Variants in DYNC2H1 observed in about 807,000 individuals in gnomAD.
DYNC2H1 encodes cytoplasmic dynein 2 heavy chain 1.
Under a neutral mutation model 570.0 loss-of-function variants are expected in DYNC2H1, and 410 were observed. That is an observed-to-expected ratio of 0.72 (90% CI 0.66 to 0.78). DYNC2H1 has a LOEUF of 0.78. Ranked by LOEUF, DYNC2H1 falls within the 30% of genes least tolerant of loss-of-function variation. The probability of loss-of-function intolerance (pLI) is 0.00; values close to 1 mark genes in which losing one functional copy is unlikely to be tolerated. For synonymous variants in DYNC2H1, 1,688 were observed against 1,677.6 expected (o/e 1.01, Z -0.15); for missense variants, 4,865 against 5,046.4 (o/e 0.96, Z 1.09).
intron 73 of DYNC2H1, 64 bp from the exon 74 acceptor site, chr11:103,286,191 A>G: frequency 6.4e-7 from 1 of 1,573,184 alleles, no homozygotes; most frequent in East Asian, 2.2e-5. Flanking sequence ...AGTTTTTTTA[A>G]AAATAAATGT....
intron 82 of DYNC2H1, among the ~76,000 whole-genome samples, chr11:103,333,769 A>G (rs1938961633): frequency 6.6e-6 from 1 of 152,224 alleles, no homozygotes; most frequent in Non-Finnish European, 1.5e-5. Context: ...CAATAAATAG[A>G]AGAAAGTTAA....
intron 75 of DYNC2H1, among the ~76,000 whole-genome samples, chr11:103,294,407 T>G (rs1866736826): frequency 6.6e-6 from 1 of 152,172 alleles, no homozygotes; most frequent in South Asian, 2.1e-4. Flanking sequence ...TAAGCCTGTT[T>G]TCACTAAAGC....
At chr11:103,161,457 A>G (rs1861089727) in intron 29 of DYNC2H1, among the ~76,000 whole-genome samples, 7 of 152,098 alleles carry the variant, frequency 4.6e-5, no homozygotes, top group Non-Finnish European at 7.4e-5. Flanking sequence ...ATTTTGGACT[A>G]TTTGCATTAT....
intron 36 of DYNC2H1, among the ~76,000 whole-genome samples, chr11:103,175,353 TG>T (rs1861759209): frequency 6.6e-6 from 1 of 152,234 alleles, no homozygotes; most frequent in Admixed American, 6.5e-5. Context: ...ATAGTTATTT[TG>T]TGAGTGTTTA....
intron 72 of DYNC2H1, 86 bp downstream of exon 72, chr11:103,282,315 G>A (rs1292393913): frequency 1.7e-6 from 2 of 1,180,042 alleles, no homozygotes; most frequent in East Asian, 2.5e-5. Context: ...CTTCAGAGGT[G>A]TTCTAAATTA....
intron 34 of DYNC2H1, among the ~76,000 whole-genome samples, chr11:103,171,888 A>T (rs1358957915): frequency 6.6e-6 from 1 of 152,182 alleles, no homozygotes; most frequent in African/African-American, 2.4e-5. Flanking sequence ...ATTCTATATG[A>T]ATGTTAAAAC....
chr11:103,337,988 C>T (rs1413856958), intron 82 of DYNC2H1, among the ~76,000 whole-genome samples: 2 of 152,166 alleles, frequency 1.3e-5, no homozygotes, highest in African/African-American at 2.4e-5. Flanking sequence ...CCAATGTTTT[C>T]TTCTAGTAGT....
At chr11:103,115,846 A>C (rs1487849738) in intron 4 of DYNC2H1, among the ~76,000 whole-genome samples, 1 of 152,186 alleles carries the variant, frequency 6.6e-6, no homozygotes, top group African/African-American at 2.4e-5. Context: ...ATATAGTGAA[A>C]AACAAATATA....
In DYNC2H1 at chr11:103,275,879, C is replaced by T. The variant is rs1865887405; in HGVS notation, c.10696-4469C>T. On this transcript the variant is annotated intron_variant, in intron 70 of 88. Transcript: ENST00000375735. The surrounding 1 kb of genome is among the most constrained non-coding windows in gnomAD (Gnocchi z 4.8). ...CATTTCAACACATTTAGGTAAATAC[C>T]AAGGAAGGCAATTTCTGGATCATAT... Among the ~76,000 whole-genome samples the T allele has an allele frequency of 6.6e-6, 1 of 152,040 alleles. No homozygotes were observed.
intron 26 of DYNC2H1, 131 bp from the exon 27 acceptor site, chr11:103,158,546 T>C (rs1181773805): frequency 8.1e-6 from 5 of 618,024 alleles, no homozygotes; most frequent in South Asian, 2.3e-5. Flanking sequence ...TTAACATTCC[T>C]AGAGGTGTAA....
In DYNC2H1 at chr11:103,324,172, T is replaced by TATTTTA. The variant is rs1247720419; in HGVS notation, c.12039+182_12039+183insATTTTA. Among the ~76,000 whole-genome samples, 1 of 152,230 alleles carries TATTTTA rather than the reference T, an allele frequency of 6.6e-6. No homozygotes were observed. The highest frequency in any genetic ancestry group is 1.5e-5 in the Non-Finnish European group (1 of 68,040). On this transcript the variant is annotated intron_variant, in intron 82 of 88. Coordinates refer to ENST00000375735, the MANE Select transcript of DYNC2H1 (RefSeq NM_001377.3). This position sits in a 1 kb window ranked among gnomAD's most constrained non-coding sequence, Gnocchi z 5.2. ...ATATTTGATTTTCTGATTTTTTTTC[T>TATTTTA]TTTTAAACTTTTATTTTAGACTCAG... is the stretch of plus-strand genomic sequence containing the variant.
In DYNC2H1 at chr11:103,188,169, A is replaced by G. The variant is rs535345193; in HGVS notation, c.7141-328A>G. 9.3e-4 allele frequency among the ~76,000 whole-genome samples: 142 copies of G among 152,242 alleles called. 1 individual carries two copies. Among genetic ancestry groups the G allele is most frequent in the African/African-American group, 3.3e-3 (138 of 41,564 alleles). ...TGATAAAATATTTACAGAAAAAAAC[A>G]AAAATATTTTTCTCATATTTTTCCT... On this transcript the variant is annotated intron_variant, in intron 43 of 88. Coordinates refer to ENST00000375735, the MANE Select transcript of DYNC2H1 (RefSeq NM_001377.3).
Position 103,256,353 on chromosome 11 carries a change from A to G in DYNC2H1, c.10461+113A>G. The G allele has an allele frequency of 9.0e-7, 1 of 1,109,108 alleles. No homozygotes were observed. The allele number at this position is 1,109,108 out of a possible 1,614,324, so 68.7% of individuals were successfully genotyped here. ...GGGAAAGATGATGTGAAAAGAAAAA[A>G]GCTATTCAAAAACATCAGAACATTG... On this transcript the variant is annotated intron_variant, in intron 68 of 88. Coordinates refer to ENST00000375735, the MANE Select transcript of DYNC2H1 (RefSeq NM_001377.3). This position sits in a 1 kb window ranked among gnomAD's most constrained non-coding sequence, Gnocchi z 4.0.
chr11:103,256,114 C>T lies in DYNC2H1; in HGVS notation c.10335C>T (p.Ala3445=). ...KLEESLLETL[A]TSQGNILENK... ...GTTAACTTTCCCTACAGACACTTGC[C>T]ACATCTCAAGGCAATATTTTGGAAA... Residue 3445 remains alanine, a synonymous_variant, in exon 68 of 89, where the codon GCC becomes GCT. Transcript: ENST00000375735. The surrounding 1 kb of genome is among the most constrained non-coding windows in gnomAD (Gnocchi z 4.0). 1 of 1,601,922 alleles carries T rather than the reference C, an allele frequency of 6.2e-7. No individual in the cohort carries two copies. The highest frequency in any genetic ancestry group is 8.5e-7 in the Non-Finnish European group (1 of 1,173,188).
At chr11:103,368,192 T>C (rs1275372258) in intron 83 of DYNC2H1, among the ~76,000 whole-genome samples, 4 of 152,234 alleles carry the variant, frequency 2.6e-5, no homozygotes, top group Non-Finnish European at 5.9e-5. Context: ...TTTAAAATAA[T>C]AGCTATACTA....
chr11:103,215,498 G>A (rs1863342304), intron 54 of DYNC2H1, among the ~76,000 whole-genome samples: 1 of 152,018 alleles, frequency 6.6e-6, no homozygotes. Context: ...TTTAAAATTT[G>A]TTTTTCTTTA....
At chr11:103,313,332 T>A (rs1867681439) in intron 79 of DYNC2H1, among the ~76,000 whole-genome samples, 1 of 152,212 alleles carries the variant, frequency 6.6e-6, no homozygotes. Flanking sequence ...TCACAATCAA[T>A]AAACTGCATT....
At chr11:103,365,070 T>C (rs1252598693) in intron 83 of DYNC2H1, among the ~76,000 whole-genome samples, 1 of 152,180 alleles carries the variant, frequency 6.6e-6, no homozygotes, top group Non-Finnish European at 1.5e-5. Context: ...GTTAGAAATG[T>C]GCATTGGTGC....
At chr11:103,463,659 G>A (rs1470237857) in intron 87 of DYNC2H1, among the ~76,000 whole-genome samples, 1 of 152,144 alleles carries the variant, frequency 6.6e-6, no homozygotes, top group Non-Finnish European at 1.5e-5. Flanking sequence ...GCTGAGGTGG[G>A]AGAATCACCT....
Sources: allele counts gnomAD v4.1 joint callset (sites outside exome capture counted in the v4.1 genomes callset), GRCh38; gene constraint gnomAD v4.1.1; non-coding constraint Gnocchi (gnomAD v3.1); transcripts MANE v1.5; gene names NCBI Gene and HGNC (gene_info 2026-07-23, HGNC 2026-07-21).